MICAL3: variants seen among roughly 807,000 people sequenced by gnomAD.
The protein encoded by MICAL3 is [F-actin]-monooxygenase MICAL3.
In MICAL3, 62 loss-of-function variants were observed where a neutral mutation model predicts 207.4. That is an observed-to-expected ratio of 0.30 (90% CI 0.24 to 0.37). The LOEUF is 0.37. Ranked by LOEUF, MICAL3 falls within the 10% of genes least tolerant of loss-of-function variation. The pLI, the probability that MICAL3 is intolerant of heterozygous loss-of-function variation, is 1.00. For missense variants in MICAL3, 2,368 were observed against 2,635.6 expected, an observed-to-expected ratio of 0.90 and a Z score of 2.22; for synonymous variants, 1,077 against 1,069.3, an observed-to-expected ratio of 1.01 and a Z score of -0.14.
chr22:17,804,624 C>T (rs1001781979), intron 29 of MICAL3, among the ~76,000 whole-genome samples: 1 of 152,200 alleles, frequency 6.6e-6, no homozygotes, highest in Non-Finnish European at 1.5e-5. Flanking sequence ...AATTTCCACG[C>T]CTGAGATGCA....
chr22:17,872,079 C>G, intron 16 of MICAL3, 56 bp from the exon 17 acceptor site: 1 of 1,481,436 alleles, frequency 6.8e-7, no homozygotes, highest in Non-Finnish European at 9.2e-7. Context: ...GCCACACAGG[C>G]CCTCCTAGAG....
chr22:17,937,463 AGACCAGCCT>A (rs1380871627), intron 1 of MICAL3, among the ~76,000 whole-genome samples: 1 of 152,164 alleles, frequency 6.6e-6, no homozygotes, highest in Non-Finnish European at 1.5e-5. Flanking sequence ...CAGGAGTTCA[AGACCAGCCT>A]GACCAACATG....
At chr22:17,857,767 C>T (rs541409469) in intron 19 of MICAL3, among the ~76,000 whole-genome samples, 1 of 152,352 alleles carries the variant, frequency 6.6e-6, no homozygotes, top group East Asian at 1.9e-4. Flanking sequence ...GAAGGGTGTT[C>T]CAAAACTTCC....
chr22:17,826,353 T>C (rs1472244958), intron 22 of MICAL3: 7 of 636,154 alleles, frequency 1.1e-5, no homozygotes, highest in Non-Finnish European at 1.4e-5. Context: ...CGCCCTGGCA[T>C]GCACTTGCAA....
At chr22:17,831,605 C>T (rs1922812791) in intron 21 of MICAL3, among the ~76,000 whole-genome samples, 1 of 152,216 alleles carries the variant, frequency 6.6e-6, no homozygotes, top group South Asian at 2.1e-4. Context: ...CTTGGACTGG[C>T]TCTCTGCCTT....
chr22:17,943,598 C>A (rs1373957638), intron 1 of MICAL3, among the ~76,000 whole-genome samples: 1 of 152,220 alleles, frequency 6.6e-6, no homozygotes, highest in African/African-American at 2.4e-5. Flanking sequence ...TCAAGGTGCC[C>A]AAGGCTGCGC....
chr22:17,951,624 A>G (rs1934352789), intron 1 of MICAL3, among the ~76,000 whole-genome samples: 2 of 152,168 alleles, frequency 1.3e-5, no homozygotes, highest in South Asian at 4.1e-4. Context: ...GAAATCAAAC[A>G]GTCTTCCATT....
At chr22:17,866,594 G>A (rs1230001694) in intron 17 of MICAL3, among the ~76,000 whole-genome samples, 1 of 97,224 alleles carries the variant, frequency 1.0e-5, no homozygotes, top group East Asian at 3.2e-4. Flanking sequence ...AGGATGGAAG[G>A]GAACAGCATA....
chr22:17,951,420 T>C (rs1294301025), intron 1 of MICAL3, among the ~76,000 whole-genome samples: 3 of 151,786 alleles, frequency 2.0e-5, no homozygotes, highest in African/African-American at 4.8e-5. Context: ...CACTGGCAAG[T>C]ATCATAAAGG....
intron 20 of MICAL3, among the ~76,000 whole-genome samples, chr22:17,835,780 G>A (rs1923296704): frequency 6.6e-6 from 1 of 152,218 alleles, no homozygotes; most frequent in Non-Finnish European, 1.5e-5. Context: ...ACAACGCACT[G>A]TCCTGTGAGA....
At position 17,896,596 on chromosome 22, in the gene MICAL3, T is replaced by C. The variant is rs529831256; in HGVS notation, c.1206+128A>G. The C allele has an allele frequency of 3.0e-6, 3 of 984,114 alleles. No individual in the cohort carries two copies. The East Asian group carries it at 7.7e-5, about 25-fold the overall frequency. 61.0% of individuals were successfully genotyped at this position (984,114 alleles called of 1,614,324 possible). On this transcript the variant is annotated intron_variant, in intron 8 of 31. Coordinates refer to ENST00000441493, the MANE Select transcript of MICAL3 (RefSeq NM_015241.3). ...TGTAGCCCTCCTCTACTTCCTGGTG[T>C]GACTCCTGCAGGGAGTTTACCTGTG...
rs1008779272 is a variant in MICAL3 at position 17,827,878 on chromosome 22, C to T, written c.3056-97G>A. 5 of 1,313,662 alleles carry T rather than the reference C, an allele frequency of 3.8e-6. No homozygotes were observed. In the African/African-American group the frequency reaches 7.3e-5, roughly 19 times the overall value. The allele number at this position is 1,313,662 out of a possible 1,614,324, so 81.4% of individuals were successfully genotyped here. A position where few individuals can be genotyped will look rare whatever the true frequency, so the allele number is the denominator to read the frequency against. The stretch of plus-strand genomic sequence containing the variant: ...ACAGAAAGAGAAGTTACAGCATTGG[C>T]CAGGGTCAGTATGAATCAGAAAGAA... On this transcript the variant is annotated intron_variant, in intron 21 of 31. Transcript: ENST00000441493.
At position 17,998,563 on chromosome 22, in the gene MICAL3, AT is replaced by A. The variant is rs563326449; in HGVS notation, c.-75+25717del. 7.1e-3 allele frequency among the ~76,000 whole-genome samples: 904 copies of A among 128,224 alleles called. 14 individuals carry two copies. The highest frequency in any genetic ancestry group is 0.017 in the African/African-American group (647 of 38,490). 84.1% of individuals were successfully genotyped at this position (128,224 alleles called of 152,430 possible). On this transcript the variant is annotated intron_variant, in intron 1 of 31. Coordinates refer to ENST00000441493, the MANE Select transcript of MICAL3 (RefSeq NM_015241.3). ...AATAATAATAATTATTATTATTATT[AT>A]TTTTTTTTTGAGATGAAGTCTCGCT... is the stretch of plus-strand genomic sequence containing the variant.
intron 1 of MICAL3, among the ~76,000 whole-genome samples, chr22:17,989,576 C>A (rs1208970791): frequency 6.6e-6 from 1 of 152,142 alleles, no homozygotes; most frequent in African/African-American, 2.4e-5. Context: ...CCTGAGCCTG[C>A]GCTCACCCCA....
At chr22:17,808,193 C>T (rs2062007645) in intron 29 of MICAL3, among the ~76,000 whole-genome samples, 1 of 152,250 alleles carries the variant, frequency 6.6e-6, no homozygotes. Flanking sequence ...CCACATTCTC[C>T]AGGGCTTCCC....
In MICAL3 at chr22:17,940,434, G is replaced by A. The variant is rs1933754182; in HGVS notation, c.-74-33548C>T. Among the ~76,000 whole-genome samples, 4 of 152,048 alleles carry A rather than the reference G, an allele frequency of 2.6e-5. No homozygotes were observed. The South Asian group carries it at 8.3e-4, about 32-fold the overall frequency. ...AGGAAGGAAGGAGGAGGAGGAAGAA[G>A]GAAAAAGAAGGAATAAGAAAACTGA... On this transcript the variant is annotated intron_variant, in intron 1 of 31. Coordinates refer to ENST00000441493, the MANE Select transcript of MICAL3 (RefSeq NM_015241.3).
chr22:18,011,598 C>T (rs1005027615), intron 1 of MICAL3, among the ~76,000 whole-genome samples: 7 of 149,970 alleles, frequency 4.7e-5, no homozygotes, highest in East Asian at 4.0e-4. Context: ...AGGCCAGGCG[C>T]GGTGGCTCAC....
intron 1 of MICAL3, chr22:18,019,774 A>AT (rs896431237): frequency 1.3e-4 from 27 of 204,890 alleles, no homozygotes; most frequent in African/African-American, 6.2e-4. Context: ...CTTTTTTGGA[A>AT]TTTTCTACTA....
chr22:17,883,805 A>G (rs1219136133), intron 16 of MICAL3, among the ~76,000 whole-genome samples: 2 of 152,180 alleles, frequency 1.3e-5, no homozygotes, highest in African/African-American at 4.8e-5. Flanking sequence ...CAGGATTTAA[A>G]ACAAACACAA....
Sources: gnomAD v4.1 joint callset for allele counts (sites outside exome capture counted in the v4.1 genomes callset) on GRCh38, gnomAD v4.1.1 for gene constraint, MANE v1.5 for transcripts, NCBI Gene and HGNC (gene_info 2026-07-23, HGNC 2026-07-21) for gene names.